The following NEUROD6 variants were observed in gnomAD, a reference collection of about 807,000 sequenced individuals.
NEUROD6 encodes neuronal differentiation 6.
A neutral mutation model predicts 24.1 loss-of-function variants in NEUROD6; 5 were observed. The observed-to-expected ratio is 0.21, with a 90% CI of 0.11 to 0.44. The LOEUF (loss-of-function observed/expected upper bound fraction) is 0.44. Among genes scored for constraint, NEUROD6 ranks in the 20% least tolerant of loss-of-function variants. The pLI is 0.99. For missense variants in NEUROD6, 325 were observed against 409.5 expected (o/e 0.79, Z 1.78); for synonymous variants, 182 against 154.1 (o/e 1.18, Z -1.34).
In NEUROD6 at chr7:31,337,597, G is replaced by C. The variant is rs1783075698; in HGVS notation, c.*658C>G. ...AAACAAGTGCTGAAATTTTTTTCTT[G>C]ATGATTGAGATAATTGTCCCCGAAT... is the stretch of plus-strand genomic sequence containing the variant. On this transcript the variant is annotated 3_prime_UTR_variant, in exon 2 of 2. Coordinates refer to ENST00000297142, the MANE Select transcript of NEUROD6 (RefSeq NM_022728.4). 1 of 152,506 alleles carries C rather than the reference G, an allele frequency of 6.6e-6. No individual in the cohort carries two copies. The highest frequency in any genetic ancestry group is 2.1e-4 in the South Asian group (1 of 4,828). 9.4% of individuals were successfully genotyped at this position (152,506 alleles called of 1,614,324 possible).
At position 31,338,057 on chromosome 7, in the gene NEUROD6, C is replaced by T; in HGVS notation, c.*198G>A. 1 of 558,784 alleles carries T rather than the reference C, an allele frequency of 1.8e-6. No homozygotes were observed. Among genetic ancestry groups the T allele is most frequent in the Non-Finnish European group, 3.1e-6 (1 of 318,394 alleles). 34.6% of individuals were successfully genotyped at this position (558,784 alleles called of 1,614,324 possible). On this transcript the variant is annotated 3_prime_UTR_variant, in exon 2 of 2. Transcript: ENST00000297142. The surrounding 1 kb of genome is among the most constrained non-coding windows in gnomAD (Gnocchi z 5.1). ...AAACAGAATCACAGTGCTTCACAGA[C>T]AAAAGGAAAGGAAAAGAAGTTCTCA...
intron 1 of NEUROD6, 43 bp from the exon 2 acceptor site, chr7:31,339,332 A>T: frequency 6.9e-7 from 1 of 1,442,508 alleles, no homozygotes; most frequent in Non-Finnish European, 9.3e-7. Context: ...TTTCATTTTT[A>T]AAGTTTATAC....
In NEUROD6 at chr7:31,338,661, G is replaced by T. The variant is rs1783093596; in HGVS notation, c.608C>A (p.Pro203His). ...GGEAAHHTRS[P>H]YSTFYPPYHS... ...GTAGGGTGGGTAGAAGGTAGAGTAG[G>T]GTGACCTTGTGTGGTGTGCAGCCTC... Residue 203 changes from proline (P) to histidine (H), a missense_variant, in exon 2 of 2, where the codon CCC becomes CAC. This residue lies in a region of NEUROD6 where 175 missense variants were observed against 201.3 expected (regional missense o/e 0.87). Transcript: ENST00000297142. This position sits in a 1 kb window ranked among gnomAD's most constrained non-coding sequence, Gnocchi z 5.1. The T allele has an allele frequency of 6.2e-7, 1 of 1,614,024 alleles. No individual in the cohort carries two copies. Among genetic ancestry groups the T allele is most frequent in the Non-Finnish European group, 8.5e-7 (1 of 1,180,006 alleles).
Position 31,338,402 on chromosome 7 carries a change from C to G in NEUROD6, c.867G>C (p.Met289Ile). Residue 289 changes from methionine to isoleucine, a missense_variant, in exon 2 of 2, where the codon ATG (methionine) becomes ATC (isoleucine). Physicochemically the swap from Met to Ile is conservative, Grantham distance 10. Around this residue, in one of 3 missense-constraint regions of NEUROD6, gnomAD observed 175 missense variants for 201.3 expected, o/e 0.87. Coordinates refer to ENST00000297142, the MANE Select transcript of NEUROD6 (RefSeq NM_022728.4). This position sits in a 1 kb window ranked among gnomAD's most constrained non-coding sequence, Gnocchi z 5.1. ...CCCTGGGTGGCACTGCACAGTAATG[C>G]ATGCCGTAATTGTAATTTTTACCAT... The part of the protein sequence containing the change: ...LDYGKNYNYG[M>I]HYCAVPPRGP... 1 of 1,614,180 alleles carries G rather than the reference C, an allele frequency of 6.2e-7. No individual in the cohort carries two copies. Among genetic ancestry groups the G allele is most frequent in the Non-Finnish European group, 8.5e-7 (1 of 1,180,046 alleles).
chr7:31,338,810 G>A lies in NEUROD6; in HGVS notation c.459C>T (p.Gly153=), dbSNP rs745307840. 6.2e-7 allele frequency: 1 copy of A among 1,614,120 alleles called. No homozygotes were observed. Among genetic ancestry groups the A allele is most frequent in the Non-Finnish European group, 8.5e-7 (1 of 1,180,018 alleles). The change falls in exon 2 of 2, where the codon GGC becomes GGT. Residue 153 remains glycine (G), a synonymous_variant. Transcript: ENST00000297142. This position sits in a 1 kb window ranked among gnomAD's most constrained non-coding sequence, Gnocchi z 5.1. ...IWALSEILRI[G]KRPDLLTFVQ... ...CGAATGTGAGCAGATCTGGTCTCTT[G>A]CCGATTCTCAGAATTTCAGAAAGTG...
Position 31,337,943 on chromosome 7 carries a change from T to C in NEUROD6, c.*312A>G. On this transcript the variant is annotated 3_prime_UTR_variant, in exon 2 of 2. Coordinates refer to ENST00000297142, the MANE Select transcript of NEUROD6 (RefSeq NM_022728.4). ...CATTGAATTATGCTGTGTGCATGTC[T>C]TTATTCAACAGTATATTCTTAGACA... The C allele has an allele frequency of 3.6e-6, 1 of 278,206 alleles. No homozygotes were observed. Among genetic ancestry groups the C allele is most frequent in the Non-Finnish European group, 6.8e-6 (1 of 147,772 alleles). The allele number at this position is 278,206 out of a possible 1,614,324, so 17.2% of individuals were successfully genotyped here.
rs796646754 is a variant in NEUROD6 at position 31,340,238 on chromosome 7, A to G, written c.-22+355T>C. Among the ~76,000 whole-genome samples the G allele has an allele frequency of 4.6e-5, 7 of 152,324 alleles. 1 individual carries two copies. Among genetic ancestry groups the G allele is most frequent in the African/African-American group, 1.7e-4 (7 of 41,580 alleles). ...TCAGAATCCCAAATGAAAGGGGAAA[A>G]TAATTTGTGTTTCAAATGCATTTTG... On this transcript the variant is annotated intron_variant, in intron 1 of 1. Transcript: ENST00000297142.
In NEUROD6 at chr7:31,338,660, G is replaced by T. The variant is rs760813112; in HGVS notation, c.609C>A (p.Pro203=). The stretch of plus-strand genomic sequence containing the variant: ...GGTAGGGTGGGTAGAAGGTAGAGTA[G>T]GGTGACCTTGTGTGGTGTGCAGCCT... The part of the protein sequence containing the change: ...GGEAAHHTRS[P]YSTFYPPYHS... Residue 203 remains proline (P), a synonymous_variant, in exon 2 of 2, where the codon CCC becomes CCA. Transcript: ENST00000297142. The surrounding 1 kb of genome is among the most constrained non-coding windows in gnomAD (Gnocchi z 5.1). 1.2e-6 allele frequency: 2 copies of T among 1,614,096 alleles called. No individual in the cohort carries two copies.
In NEUROD6 at chr7:31,338,099, T is replaced by C; in HGVS notation, c.*156A>G. On this transcript the variant is annotated 3_prime_UTR_variant, in exon 2 of 2. Coordinates refer to ENST00000297142, the MANE Select transcript of NEUROD6 (RefSeq NM_022728.4). The surrounding 1 kb of genome is among the most constrained non-coding windows in gnomAD (Gnocchi z 5.1). ...AAGTTCTCATACGAAAAGAGATTTA[T>C]TATTACATAGAAAATTCTCACAATA... 2 of 601,156 alleles carry C rather than the reference T, an allele frequency of 3.3e-6. No individual in the cohort carries two copies. Among genetic ancestry groups the C allele is most frequent in the South Asian group, 4.9e-5 (2 of 41,184 alleles). 37.2% of individuals were successfully genotyped at this position (601,156 alleles called of 1,614,324 possible).
chr7:31,339,049 G>A lies in NEUROD6; in HGVS notation c.220C>T (p.Pro74Ser), dbSNP rs1255166180. 6.2e-7 allele frequency: 1 copy of A among 1,613,652 alleles called. No homozygotes were observed. ...DREEEDENGL[P>S]RRRGLRKKKT... Reference sequence around the variant, plus strand: ...TTTTTCCTAAGACCCCTCCTTCTAGGCAACCCATTTTCATCTTCCTCTTCC... The same window carrying A: ...TTTTTCCTAAGACCCCTCCTTCTAGACAACCCATTTTCATCTTCCTCTTCC... Residue 74 changes from proline (P) to serine (S), a missense_variant, in exon 2 of 2, where the codon CCT becomes TCT. Physicochemically the swap from Pro to Ser is moderately conservative, Grantham distance 74. Coordinates refer to ENST00000297142, the MANE Select transcript of NEUROD6 (RefSeq NM_022728.4).
Position 31,339,271 on chromosome 7 carries a change from T to G in NEUROD6, c.-3A>C. 6.4e-7 allele frequency: 1 copy of G among 1,574,534 alleles called. No homozygotes were observed. Among genetic ancestry groups the G allele is most frequent in the Non-Finnish European group, 8.6e-7 (1 of 1,164,740 alleles). ...TCATCAAACGGTAGTGTTAACATGG[T>G]TCTCTAATCTTAAATTACCTGAAAA... On this transcript the variant is annotated 5_prime_UTR_variant, in exon 2 of 2. Transcript: ENST00000297142.
At chr7:31,339,697 A>G (rs1055263415) in intron 1 of NEUROD6, among the ~76,000 whole-genome samples, 5 of 152,204 alleles carry the variant, frequency 3.3e-5, no homozygotes, top group Non-Finnish European at 7.3e-5. Flanking sequence ...AAGATAAACC[A>G]GTTTTTAAAA....
Sources: allele counts gnomAD v4.1 joint callset (sites outside exome capture counted in the v4.1 genomes callset), GRCh38; gene constraint gnomAD v4.1.1; regional missense constraint gnomAD v4.1.1; non-coding constraint Gnocchi (gnomAD v3.1); transcripts MANE v1.5; gene names NCBI Gene and HGNC (gene_info 2026-07-23, HGNC 2026-07-21).